Variants in COG5 observed in about 807,000 individuals in gnomAD.
COG5 encodes the protein component of oligomeric golgi complex 5.
A neutral mutation model predicts 110.4 loss-of-function variants in COG5; 86 were observed. The observed-to-expected ratio is 0.78, with a 90% CI of 0.65 to 0.93. COG5 has a LOEUF of 0.93. COG5 is among the 40% of genes least tolerant of loss of function. The pLI is 0.00. For synonymous variants in COG5, 360 were observed against 334.6 expected, an observed-to-expected ratio of 1.08 and a Z score of -0.83; for missense variants, 1,077 against 987.0, an observed-to-expected ratio of 1.09 and a Z score of -1.22.
At chr7:107,548,088 A>G (rs147019831) in intron 5 of COG5, 23 bp downstream of exon 5, 1 of 1,591,210 alleles carries the variant, frequency 6.3e-7, no homozygotes, top group South Asian at 1.1e-5. Context: ...ATAAAGTATA[A>G]AGAAATAAAA....
intron 6 of COG5, among the ~76,000 whole-genome samples, chr7:107,434,420 C>T (rs974059758): frequency 3.3e-5 from 5 of 151,924 alleles, no homozygotes; most frequent in South Asian, 2.1e-4. Flanking sequence ...AAAAAGCAAC[C>T]CAAAAGTCCA....
At chr7:107,224,981 T>C (rs1334127522) in intron 19 of COG5, among the ~76,000 whole-genome samples, 1 of 152,224 alleles carries the variant, frequency 6.6e-6, no homozygotes, top group African/African-American at 2.4e-5. Flanking sequence ...AAGAAGAAAG[T>C]GCCCCCTGGC....
chr7:107,354,699 C>T lies in COG5; in HGVS notation c.1026+7334G>A, dbSNP rs190048256. On this transcript the variant is annotated intron_variant, in intron 10 of 21. Transcript: ENST00000297135. ...CTCAACAACAACAACAACAAAAAAG[C>T]GAAACTGAATTAATAATTATGATAG... is the stretch of plus-strand genomic sequence containing the variant. Among the ~76,000 whole-genome samples, 7 of 152,204 alleles carry T rather than the reference C, an allele frequency of 4.6e-5. No individual in the cohort carries two copies. The East Asian group carries it at 9.7e-4, about 21-fold the overall frequency.
chr7:107,228,825 T>C (rs1428601682), intron 19 of COG5, among the ~76,000 whole-genome samples: 5 of 150,606 alleles, frequency 3.3e-5, no homozygotes, highest in Non-Finnish European at 5.9e-5. Flanking sequence ...AGGTAAAATA[T>C]ACGGATTCCC....
At chr7:107,287,692 A>G (rs915456276) in intron 12 of COG5, among the ~76,000 whole-genome samples, 12 of 152,084 alleles carry the variant, frequency 7.9e-5, no homozygotes, top group African/African-American at 2.9e-4. Flanking sequence ...TTGTGTTTCT[A>G]TAGATTTTGC....
chr7:107,375,737 C>T (rs1308195053), intron 7 of COG5, among the ~76,000 whole-genome samples: 1 of 151,736 alleles, frequency 6.6e-6, no homozygotes, highest in Non-Finnish European at 1.5e-5. Flanking sequence ...TGGATACAAC[C>T]ACTTTGATAA....
At chr7:107,258,094 A>G (rs949804735) in intron 15 of COG5, among the ~76,000 whole-genome samples, 179 bp downstream of exon 15, 1 of 152,176 alleles carries the variant, frequency 6.6e-6, no homozygotes, top group African/African-American at 2.4e-5. Flanking sequence ...AAAGTCATAC[A>G]AACAACGAAG....
intron 6 of COG5, among the ~76,000 whole-genome samples, chr7:107,476,771 A>G (rs1797021702): frequency 6.6e-6 from 1 of 151,738 alleles, no homozygotes; most frequent in South Asian, 2.1e-4. Flanking sequence ...TATCCACTAA[A>G]CCAAGTAGCA....
chr7:107,276,048 G>A (rs1475570354), intron 14 of COG5, among the ~76,000 whole-genome samples: 1 of 152,102 alleles, frequency 6.6e-6, no homozygotes, highest in African/African-American at 2.4e-5. Context: ...CTGCATTGAA[G>A]TTGAGACCTC....
intron 16 of COG5, among the ~76,000 whole-genome samples, chr7:107,250,477 T>C (rs1802419728): frequency 6.6e-6 from 1 of 151,866 alleles, no homozygotes; most frequent in Non-Finnish European, 1.5e-5. Flanking sequence ...CTACACAACA[T>C]AACATTCACA....
rs757894805 is a variant in COG5, at chr7:107,527,330, T to A, written c.445A>T (p.Ile149Phe). 32 of 1,613,514 alleles carry A rather than the reference T, an allele frequency of 2.0e-5. No homozygotes were observed. The highest frequency in any genetic ancestry group is 2.7e-5 in the Non-Finnish European group (32 of 1,179,822). ...QVACDLLRRI[I>F]RILNLSKRLQ... ...CTCTTACTGAGATTCAAGATACGAA[T>A]AATCCTCCGAAGCAAATCACAGGCA... is the stretch of plus-strand genomic sequence containing the variant. The change falls in exon 6 of 22, where the codon ATT (isoleucine) becomes TTT (phenylalanine). Residue 149 changes from isoleucine (I) to phenylalanine (F), a missense_variant. Ile to Phe is a conservative substitution (Grantham distance 21, BLOSUM62 0). Transcript: ENST00000297135.
chr7:107,414,099 A>G (rs1339513140), intron 6 of COG5, among the ~76,000 whole-genome samples: 1 of 152,232 alleles, frequency 6.6e-6, no homozygotes, highest in African/African-American at 2.4e-5. Flanking sequence ...TGTAAAAATC[A>G]TAACAGATAT....
At chr7:107,269,807 C>G (rs1271584270) in intron 14 of COG5, among the ~76,000 whole-genome samples, 1 of 152,204 alleles carries the variant, frequency 6.6e-6, no homozygotes, top group East Asian at 1.9e-4. Flanking sequence ...AATAGCTTCC[C>G]TCTCATTCTG....
chr7:107,458,303 C>T (rs1006239947), intron 6 of COG5, among the ~76,000 whole-genome samples: 1 of 152,064 alleles, frequency 6.6e-6, no homozygotes, highest in Non-Finnish European at 1.5e-5. Context: ...AAGAAATGAA[C>T]AATGCCATTG....
chr7:107,452,749 G>A (rs1298903303), intron 6 of COG5, among the ~76,000 whole-genome samples: 2 of 152,088 alleles, frequency 1.3e-5, no homozygotes, highest in African/African-American at 4.8e-5. Context: ...TCAACAGTGT[G>A]AAAACGGACT....
At chr7:107,430,768 T>C (rs562445859) in intron 6 of COG5, among the ~76,000 whole-genome samples, 3 of 152,190 alleles carry the variant, frequency 2.0e-5, no homozygotes, top group Non-Finnish European at 4.4e-5. Context: ...CCTCAGAATT[T>C]GTGAAATGCT....
intron 6 of COG5, among the ~76,000 whole-genome samples, chr7:107,455,691 T>C (rs976093445): frequency 6.6e-6 from 1 of 152,170 alleles, no homozygotes; most frequent in African/African-American, 2.4e-5. Context: ...TCATAGGGCA[T>C]AAATTTGTAT....
chr7:107,358,553 C>A (rs1812827853), intron 10 of COG5, among the ~76,000 whole-genome samples: 1 of 152,140 alleles, frequency 6.6e-6, no homozygotes, highest in African/African-American at 2.4e-5. Context: ...TCAGGAAATC[C>A]TGATTGCAAG....
At chr7:107,355,925 T>C (rs1310514021) in intron 10 of COG5, among the ~76,000 whole-genome samples, 1 of 152,358 alleles carries the variant, frequency 6.6e-6, no homozygotes, top group South Asian at 2.1e-4. Context: ...TGAACCACTA[T>C]TGTTACATTA....
Sources: gnomAD v4.1 joint callset for allele counts (sites outside exome capture counted in the v4.1 genomes callset) on GRCh38, gnomAD v4.1.1 for gene constraint, MANE v1.5 for transcripts, NCBI Gene and HGNC (gene_info 2026-07-23, HGNC 2026-07-21) for gene names.